TASP1: variants seen among roughly 807,000 people sequenced by gnomAD.
TASP1 encodes the protein threonine aspartase 1.
TASP1 carries 16 observed loss-of-function variants against 56.6 expected under a neutral mutation model. That is an observed-to-expected ratio of 0.28 (90% CI 0.19 to 0.43). The LOEUF (loss-of-function observed/expected upper bound fraction) is 0.43, where lower values mean the gene tolerates loss of function less well. Ranked by LOEUF, TASP1 falls within the 20% of genes least tolerant of loss-of-function variation. The pLI is 1.00. For missense variants in TASP1, 393 were observed against 511.6 expected (o/e 0.77, Z 2.24); for synonymous variants, 179 against 184.2 (o/e 0.97, Z 0.23).
intron 11 of TASP1, among the ~76,000 whole-genome samples, chr20:13,471,052 T>A (rs2146423193): frequency 6.6e-6 from 1 of 152,290 alleles, no homozygotes; most frequent in Non-Finnish European, 1.5e-5. Flanking sequence ...ATAGTCAGAA[T>A]CTCTGCTCTC....
the TASP1 span, among the ~76,000 whole-genome samples, chr20:13,144,526 G>A: frequency 5.3e-5 from 8 of 152,230 alleles, no homozygotes; most frequent in Admixed American, 2.0e-4. Context: ...AGAACCTAAC[G>A]CACAAATCTA....
chr20:13,472,669 G>T lies in TASP1; in HGVS notation c.985+10558C>A, dbSNP rs551209431. Among the ~76,000 whole-genome samples the T allele has an allele frequency of 3.5e-4, 53 of 151,026 alleles. 2 individuals carry two copies. The highest frequency in any genetic ancestry group is 6.9e-4 in the Non-Finnish European group (47 of 67,836). On this transcript the variant is annotated intron_variant, in intron 11 of 13. Transcript: ENST00000337743. ...ATCAAACAACCCCATCAAAAAGTGG[G>T]CAAAGAATATGAACAGACAGTTTTC...
At chr20:13,571,683 G>A (rs1018440631) in intron 6 of TASP1, among the ~76,000 whole-genome samples, 1 of 152,086 alleles carries the variant, frequency 6.6e-6, no homozygotes, top group Admixed American at 6.5e-5. Flanking sequence ...TCAGGTAATG[G>A]CACTCCTCTT....
At chr20:13,270,443 A>C in the TASP1 span, 1 of 1,542,232 alleles carries the variant, frequency 6.5e-7, no homozygotes, top group Non-Finnish European at 8.8e-7. Context: ...TGGACTGTTA[A>C]GGGTGACATT....
rs572436874 is a variant in TASP1 at position 13,536,619 on chromosome 20, C to T, written c.676-2478G>A. ...TGAGTTTTTATTGACAGACATATGC[C>T]AGTACTTTTTGCCCTTATTCTTTGC... On this transcript the variant is annotated intron_variant, in intron 8 of 13. Transcript: ENST00000337743. Among the ~76,000 whole-genome samples the T allele has an allele frequency of 1.4e-3, 208 of 152,090 alleles. 3 individuals are homozygous for T. The highest frequency in any genetic ancestry group is 3.6e-3 in the African/African-American group (150 of 41,486).
downstream of TASP1, among the ~76,000 whole-genome samples, chr20:13,385,277 G>A (rs551735901): frequency 6.6e-6 from 1 of 152,266 alleles, no homozygotes; most frequent in African/African-American, 2.4e-5. Flanking sequence ...TTCCTTGAAG[G>A]CATCCACCAG....
At chr20:13,391,815 A>C (rs1267080976) in intron 13 of TASP1, among the ~76,000 whole-genome samples, 3 of 151,754 alleles carry the variant, frequency 2.0e-5, no homozygotes, top group African/African-American at 7.3e-5. Flanking sequence ...AAAATGCAAA[A>C]AAATTAGCCA....
chr20:13,413,685 C>A (rs2042163635), intron 13 of TASP1, among the ~76,000 whole-genome samples: 2 of 152,100 alleles, frequency 1.3e-5, no homozygotes, highest in African/African-American at 4.8e-5. Flanking sequence ...AAGAACTAAT[C>A]AAATGTGCCA....
chr20:13,438,451 T>C (rs919778420), intron 11 of TASP1, among the ~76,000 whole-genome samples: 58 of 152,034 alleles, frequency 3.8e-4, no homozygotes, highest in Non-Finnish European at 5.6e-4. Flanking sequence ...TGGCTAGCCA[T>C]ATGTAGAAAG....
chr20:13,274,739 C>G, the TASP1 span, among the ~76,000 whole-genome samples: 1 of 151,320 alleles, frequency 6.6e-6, no homozygotes, highest in Middle Eastern at 3.4e-3. Context: ...AGCCCCAACA[C>G]CTGCTTCTGC....
the TASP1 span, among the ~76,000 whole-genome samples, chr20:13,137,439 A>AT: frequency 2.6e-5 from 4 of 152,014 alleles, no homozygotes; most frequent in Non-Finnish European, 4.4e-5. Flanking sequence ...GAAGTGATGG[A>AT]TTTTTTATTC....
At chr20:13,637,588 T>C (rs1156726076) in intron 1 of TASP1, among the ~76,000 whole-genome samples, 3 of 152,144 alleles carry the variant, frequency 2.0e-5, no homozygotes, top group African/African-American at 4.8e-5. Flanking sequence ...TACACAGACA[T>C]TGATGAACCT....
the TASP1 span, among the ~76,000 whole-genome samples, chr20:13,350,304 T>A: frequency 6.6e-6 from 1 of 152,208 alleles, no homozygotes; most frequent in Non-Finnish European, 1.5e-5. Flanking sequence ...AAGGTGTTAA[T>A]TTTCCCACAA....
chr20:13,580,750 T>G, intron 6 of TASP1, 147 bp downstream of exon 6: 2 of 685,802 alleles, frequency 2.9e-6, no homozygotes, highest in South Asian at 4.3e-5. Context: ...CAAAACTTTA[T>G]TAGCTGTACA....
the TASP1 span, among the ~76,000 whole-genome samples, chr20:13,296,567 G>A: frequency 6.6e-6 from 1 of 152,218 alleles, no homozygotes; most frequent in Admixed American, 6.5e-5. Context: ...AGATGAAAGA[G>A]TGGCATGATC....
intron 11 of TASP1, among the ~76,000 whole-genome samples, chr20:13,472,177 C>T (rs776128162): frequency 6.6e-6 from 1 of 150,660 alleles, no homozygotes; most frequent in Non-Finnish European, 1.5e-5. Context: ...AGAAATAACA[C>T]CATGCATCTA....
chr20:13,261,019 G>A, the TASP1 span, among the ~76,000 whole-genome samples: 24 of 152,238 alleles, frequency 1.6e-4, no homozygotes, highest in Admixed American at 1.2e-3. Flanking sequence ...CTTCTTCACC[G>A]AGTGTTCTCA....
At chr20:13,587,437 T>C (rs1386731275) in intron 4 of TASP1, 67 bp from the exon 5 acceptor site, 5 of 1,363,966 alleles carry the variant, frequency 3.7e-6, no homozygotes, top group African/African-American at 1.5e-5. Context: ...CAGTCCTTCA[T>C]GAAATTTTCT....
intron 10 of TASP1, among the ~76,000 whole-genome samples, chr20:13,490,476 C>T (rs2043485414): frequency 6.6e-6 from 1 of 152,094 alleles, no homozygotes; most frequent in South Asian, 2.1e-4. Flanking sequence ...CTTTATTTTC[C>T]TGTCATCTAA....
Sources: gnomAD v4.1 joint callset for allele counts (sites outside exome capture counted in the v4.1 genomes callset) on GRCh38, gnomAD v4.1.1 for gene constraint, MANE v1.5 for transcripts, NCBI Gene and HGNC (gene_info 2026-07-23, HGNC 2026-07-21) for gene names.